ADAMTS20: variants seen among roughly 807,000 people sequenced by gnomAD.
The protein encoded by ADAMTS20 is ADAM metallopeptidase with thrombospondin type 1 motif 20, also known as A disintegrin and metalloproteinase with thrombospondin motifs 20.
A neutral mutation model predicts 260.1 loss-of-function variants in ADAMTS20; 225 were observed. The observed-to-expected ratio is 0.87, with a 90% CI of 0.78 to 0.97. ADAMTS20 has a LOEUF of 0.97. Among genes scored for constraint, ADAMTS20 ranks in the 50% least tolerant of loss-of-function variants. ADAMTS20 has a pLI of 0.00. For synonymous variants in ADAMTS20, 802 were observed against 769.5 expected, an observed-to-expected ratio of 1.04 and a Z score of -0.70; for missense variants, 2,400 against 2,337.7, an observed-to-expected ratio of 1.03 and a Z score of -0.55.
chr12:43,387,807 T>G (rs1204519589), intron 29 of ADAMTS20, among the ~76,000 whole-genome samples: 1 of 152,152 alleles, frequency 6.6e-6, no homozygotes, highest in Non-Finnish European at 1.5e-5. Flanking sequence ...TATTTGAACT[T>G]CCCTGTGGCT....
Position 43,412,802 on chromosome 12 carries a change from A to ATT in ADAMTS20, c.4284+12710_4284+12711dup, listed in dbSNP as rs139458463. On this transcript the variant is annotated intron_variant, in intron 28 of 38. Transcript: ENST00000389420. Reference sequence around the variant, plus strand: ...TCTCTAGTTAGCAGAATAGGAAATAATTTTTTTTTTTTTTTTTTTTTTTTT... The same window carrying ATT: ...TCTCTAGTTAGCAGAATAGGAAATAATTTTTTTTTTTTTTTTTTTTTTTTTTT... Among the ~76,000 whole-genome samples the ATT allele has an allele frequency of 6.5e-3, 549 of 84,314 alleles. 22 individuals are homozygous for ATT. Among genetic ancestry groups the ATT allele is most frequent in the African/African-American group, 9.6e-3 (183 of 19,108 alleles). 55.3% of individuals were successfully genotyped at this position (84,314 alleles called of 152,430 possible).
intron 29 of ADAMTS20, among the ~76,000 whole-genome samples, chr12:43,385,218 CT>C (rs1565674941): frequency 6.6e-6 from 1 of 152,136 alleles, no homozygotes; most frequent in Non-Finnish European, 1.5e-5. Flanking sequence ...TGATGATGAG[CT>C]TTTTTTCATA....
intron 37 of ADAMTS20, among the ~76,000 whole-genome samples, chr12:43,360,907 C>T (rs533275255): frequency 7.2e-5 from 11 of 152,338 alleles, no homozygotes; most frequent in African/African-American, 2.2e-4. Context: ...CCAAGACCCA[C>T]TGACATTAGC....
intron 11 of ADAMTS20, among the ~76,000 whole-genome samples, chr12:43,459,392 T>C (rs1942021576): frequency 6.6e-6 from 1 of 152,184 alleles, no homozygotes; most frequent in African/African-American, 2.4e-5. Flanking sequence ...GACCCATGGC[T>C]TCTAACAGAG....
At chr12:43,357,595 A>G (rs1939772256) in intron 37 of ADAMTS20, among the ~76,000 whole-genome samples, 1 of 152,212 alleles carries the variant, frequency 6.6e-6, no homozygotes, top group Admixed American at 6.5e-5. Flanking sequence ...TTCGCATAAA[A>G]CAATGACAAT....
At chr12:43,481,869 A>C (rs1190088212) in intron 7 of ADAMTS20, among the ~76,000 whole-genome samples, 1 of 152,204 alleles carries the variant, frequency 6.6e-6, no homozygotes, top group Non-Finnish European at 1.5e-5. Context: ...AAAAATGGAA[A>C]GAAACCACAG....
chr12:43,531,931 A>T (rs1943226561), intron 3 of ADAMTS20, 105 bp downstream of exon 3: 2 of 789,150 alleles, frequency 2.5e-6, no homozygotes, highest in African/African-American at 1.8e-5. Context: ...AAAATTAATT[A>T]AAAATAAATA....
chr12:43,421,282 C>CAAA (rs61465679), intron 28 of ADAMTS20, among the ~76,000 whole-genome samples: 3 of 118,882 alleles, frequency 2.5e-5, no homozygotes, highest in East Asian at 2.2e-4. Flanking sequence ...CTTTCATTTA[C>CAAA]AAAAAAAAAA....
At chr12:43,450,137 C>A (rs1206835161) in intron 14 of ADAMTS20, among the ~76,000 whole-genome samples, 2 of 152,126 alleles carry the variant, frequency 1.3e-5, no homozygotes, top group Non-Finnish European at 2.9e-5. Flanking sequence ...GTAAAGTTTT[C>A]TCTAAAACTA....
At chr12:43,439,589 C>A in intron 18 of ADAMTS20, 33 bp downstream of exon 18, 1 of 1,578,282 alleles carries the variant, frequency 6.3e-7, no homozygotes, top group Non-Finnish European at 8.6e-7. Context: ...AATGCACAGT[C>A]AGTCTTTTCT....
At chr12:43,362,777 T>C (rs778530011) in intron 37 of ADAMTS20, among the ~76,000 whole-genome samples, 4 of 149,056 alleles carry the variant, frequency 2.7e-5, no homozygotes, top group Non-Finnish European at 5.9e-5. Flanking sequence ...TGCATACATA[T>C]GTAACAAACC....
intron 11 of ADAMTS20, among the ~76,000 whole-genome samples, chr12:43,460,072 T>C (rs1274090106): frequency 1.3e-5 from 2 of 152,226 alleles, no homozygotes; most frequent in Non-Finnish European, 2.9e-5. Flanking sequence ...TTGTTTCAAA[T>C]GTCCCTTCAA....
At chr12:43,525,467 GA>G (rs1210544296) in intron 3 of ADAMTS20, among the ~76,000 whole-genome samples, 2 of 151,840 alleles carry the variant, frequency 1.3e-5, no homozygotes, top group South Asian at 2.1e-4. Flanking sequence ...ATTACACAAC[GA>G]AAAAAGTATC....
intron 37 of ADAMTS20, 52 bp from the exon 38 acceptor site, chr12:43,356,640 A>G: frequency 7.6e-7 from 1 of 1,322,118 alleles, no homozygotes; most frequent in Non-Finnish European, 1.1e-6. Flanking sequence ...AAAATATTTG[A>G]TTACAAATAA....
At position 43,432,472 on chromosome 12, in the gene ADAMTS20, A is replaced by AC; in HGVS notation, c.2932-5_2932-4insG. The AC allele has an allele frequency of 6.3e-7, 1 of 1,586,346 alleles. No homozygotes were observed. On this transcript the variant is annotated splice_region_variant and splice_polypyrimidine_tract_variant and intron_variant, in intron 20 of 38. Coordinates refer to ENST00000389420, the MANE Select transcript of ADAMTS20 (RefSeq NM_025003.5). ...CTCCTCCACAACTCCTGGAACACTG[A>AC]TTAAAAAAAAAAAAGTGGTAACTAA...
chr12:43,490,952 T>G (rs1245532233), intron 6 of ADAMTS20, among the ~76,000 whole-genome samples: 1 of 151,922 alleles, frequency 6.6e-6, no homozygotes, highest in East Asian at 1.9e-4. Flanking sequence ...ATCTCCAATC[T>G]CTCCTGCTTG....
At chr12:43,466,486 C>T (rs1309319511) in intron 9 of ADAMTS20, among the ~76,000 whole-genome samples, 166 bp downstream of exon 9, 2 of 151,440 alleles carry the variant, frequency 1.3e-5, no homozygotes, top group East Asian at 1.9e-4. Flanking sequence ...TATATATGTA[C>T]ACATGAACAC....
intron 15 of ADAMTS20, 112 bp from the exon 16 acceptor site, chr12:43,443,995 T>A: frequency 1.3e-6 from 1 of 772,022 alleles, no homozygotes; most frequent in Non-Finnish European, 2.1e-6. Flanking sequence ...AATTTTGTTG[T>A]GTCTTTACAA....
intron 7 of ADAMTS20, among the ~76,000 whole-genome samples, chr12:43,482,692 C>T (rs1348357319): frequency 6.6e-6 from 1 of 152,176 alleles, no homozygotes; most frequent in Non-Finnish European, 1.5e-5. Flanking sequence ...CTCCACCTGC[C>T]CTGGTAGCAT....
Sources: gnomAD v4.1 joint callset for allele counts (sites outside exome capture counted in the v4.1 genomes callset) on GRCh38, gnomAD v4.1.1 for gene constraint, MANE v1.5 for transcripts, NCBI Gene and HGNC (gene_info 2026-07-23, HGNC 2026-07-21) for gene names.